The following SLC35F3 variants were observed in gnomAD, a reference collection of about 807,000 sequenced individuals.
SLC35F3 encodes the protein putative thiamine transporter SLC35F3.
A neutral mutation model predicts 49.9 loss-of-function variants in SLC35F3; 25 were observed. The observed-to-expected ratio is 0.50, with a 90% CI of 0.37 to 0.70. The LOEUF (loss-of-function observed/expected upper bound fraction) is 0.70, where lower values mean the gene tolerates loss of function less well. Ranked by LOEUF, SLC35F3 falls within the 30% of genes least tolerant of loss-of-function variation. The probability of loss-of-function intolerance (pLI) is 0.00; values close to 1 mark genes in which losing one functional copy is unlikely to be tolerated. For synonymous variants in SLC35F3, 275 were observed against 265.4 expected (o/e 1.04, Z -0.35); for missense variants, 525 against 639.8 (o/e 0.82, Z 1.94).
intron 2 of SLC35F3, among the ~76,000 whole-genome samples, chr1:234,093,830 C>T (rs1051478130): frequency 6.6e-6 from 1 of 152,232 alleles, no homozygotes; most frequent in Non-Finnish European, 1.5e-5. Context: ...CTATGTCTTG[C>T]CATTTCCCCT....
intron 2 of SLC35F3, among the ~76,000 whole-genome samples, chr1:233,964,646 A>T (rs766993417): frequency 6.6e-6 from 1 of 152,240 alleles, no homozygotes; most frequent in African/African-American, 2.4e-5. Context: ...GAGCTAAACA[A>T]TGGGAGAAGT....
At chr1:234,255,229 C>A (rs986761018) in intron 3 of SLC35F3, among the ~76,000 whole-genome samples, 2 of 152,138 alleles carry the variant, frequency 1.3e-5, no homozygotes, top group Non-Finnish European at 2.9e-5. Flanking sequence ...AGATGATATA[C>A]AGACAGCAAA....
At chr1:234,221,711 C>T (rs1048959117) in intron 2 of SLC35F3, among the ~76,000 whole-genome samples, 2 of 152,148 alleles carry the variant, frequency 1.3e-5, no homozygotes, top group African/African-American at 4.8e-5. Context: ...GGAGAAGGGA[C>T]TGGAGGGAAG....
At chr1:234,055,282 C>G (rs1664440837) in intron 2 of SLC35F3, among the ~76,000 whole-genome samples, 1 of 152,190 alleles carries the variant, frequency 6.6e-6, no homozygotes, top group South Asian at 2.1e-4. Flanking sequence ...AGGCAGGCCT[C>G]CTTGAGCTGC....
chr1:234,307,319 T>C (rs1184300436), intron 3 of SLC35F3, among the ~76,000 whole-genome samples: 2 of 152,186 alleles, frequency 1.3e-5, no homozygotes, highest in South Asian at 2.1e-4. Flanking sequence ...AGAAGCAACA[T>C]AGGACTCTGT....
chr1:234,128,791 A>C (rs2067796), intron 2 of SLC35F3, among the ~76,000 whole-genome samples: 58,485 of 152,038 alleles, frequency 0.38, 13,208 homozygotes, highest in Non-Finnish European at 0.52. Flanking sequence ...CTTAAATTTT[A>C]AATGTCTGGA....
At chr1:234,257,291 C>T (rs1558275793) in intron 3 of SLC35F3, among the ~76,000 whole-genome samples, 1 of 152,294 alleles carries the variant, frequency 6.6e-6, no homozygotes, top group Admixed American at 6.5e-5. Flanking sequence ...TCAAGTCATT[C>T]TCTTTTAAAC....
At chr1:234,053,212 T>C (rs1664404500) in intron 2 of SLC35F3, among the ~76,000 whole-genome samples, 1 of 152,202 alleles carries the variant, frequency 6.6e-6, no homozygotes, top group South Asian at 2.1e-4. Context: ...TCTGTCTCGT[T>C]GATCTGTCTA....
intron 2 of SLC35F3, among the ~76,000 whole-genome samples, chr1:233,979,220 C>G (rs1201626171): frequency 6.6e-6 from 1 of 152,150 alleles, no homozygotes; most frequent in Non-Finnish European, 1.5e-5. Flanking sequence ...AGGTACCTGG[C>G]CTCTCAGCAC....
chr1:234,203,035 A>G (rs183546939), intron 2 of SLC35F3, among the ~76,000 whole-genome samples: 2 of 152,202 alleles, frequency 1.3e-5, no homozygotes, highest in African/African-American at 4.8e-5. Context: ...CAGAAAACCA[A>G]TACTGTCATT....
At chr1:233,943,208 G>A (rs1662456221) in intron 2 of SLC35F3, among the ~76,000 whole-genome samples, 2 of 152,174 alleles carry the variant, frequency 1.3e-5, no homozygotes, top group South Asian at 4.1e-4. Flanking sequence ...ATGAAACAAG[G>A]TGATTTACCT....
rs571869885 is a variant in SLC35F3 at position 233,974,088 on chromosome 1, G to A, written c.283+68330G>A. 4.7e-5 allele frequency among the ~76,000 whole-genome samples: 7 copies of A among 149,310 alleles called. No homozygotes were observed. In the East Asian group the frequency reaches 7.9e-4, roughly 17 times the overall value. On this transcript the variant is annotated intron_variant, in intron 2 of 7. Transcript: ENST00000366618. Reference sequence around the variant, plus strand: ...TTTATCTGATGGCAATGTTCTTTTCGTTCCCTGAAAACGTTAGTTTTCCAG... The same window carrying A: ...TTTATCTGATGGCAATGTTCTTTTCATTCCCTGAAAACGTTAGTTTTCCAG...
At chr1:233,998,446 C>T (rs10797518) in intron 2 of SLC35F3, among the ~76,000 whole-genome samples, 90,556 of 151,366 alleles carry the variant, frequency 0.6, 27,730 homozygotes, top group Non-Finnish European at 0.67. Context: ...ATACCAGATA[C>T]AGAATGACCA....
chr1:234,013,813 G>A (rs1183606609), intron 2 of SLC35F3, among the ~76,000 whole-genome samples: 8 of 150,192 alleles, frequency 5.3e-5, no homozygotes, highest in South Asian at 2.1e-4. Context: ...GACCAGTAAC[G>A]AGTAAAGAGA....
At chr1:234,176,104 C>G (rs376159694) in intron 2 of SLC35F3, among the ~76,000 whole-genome samples, 83 of 152,302 alleles carry the variant, frequency 5.4e-4, no homozygotes, top group Middle Eastern at 6.8e-3. Flanking sequence ...CATGGGACAT[C>G]CCTTTTTTCT....
intron 2 of SLC35F3, among the ~76,000 whole-genome samples, chr1:234,105,234 T>C (rs1205493828): frequency 2.0e-5 from 3 of 152,136 alleles, no homozygotes; most frequent in African/African-American, 4.8e-5. Flanking sequence ...CAATTCTCTT[T>C]CTGATTTGTC....
intron 2 of SLC35F3, among the ~76,000 whole-genome samples, chr1:234,127,268 A>G (rs1665663766): frequency 6.6e-6 from 1 of 152,230 alleles, no homozygotes; most frequent in African/African-American, 2.4e-5. Context: ...CAGCTATTTA[A>G]TAACCAGGTT....
chr1:233,949,455 C>G (rs1222680846), intron 2 of SLC35F3, among the ~76,000 whole-genome samples: 1 of 152,150 alleles, frequency 6.6e-6, no homozygotes, highest in Non-Finnish European at 1.5e-5. Flanking sequence ...AGTATATTTG[C>G]TCAAGGAGCC....
intron 2 of SLC35F3, among the ~76,000 whole-genome samples, chr1:234,223,062 G>A (rs1022922437): frequency 5.3e-5 from 8 of 152,184 alleles, no homozygotes; most frequent in African/African-American, 1.2e-4. Context: ...AAGAGGAGGC[G>A]CTGACTCTTC....
Sources: allele counts gnomAD v4.1 joint callset (sites outside exome capture counted in the v4.1 genomes callset), GRCh38; gene constraint gnomAD v4.1.1; transcripts MANE v1.5; gene names NCBI Gene and HGNC (gene_info 2026-07-23, HGNC 2026-07-21).